C2orf78: variants seen among roughly 807,000 people sequenced by gnomAD.
C2orf78 encodes chromosome 2 open reading frame 78, also known as uncharacterized protein C2orf78.
In C2orf78, 12 loss-of-function variants were observed where a neutral mutation model predicts 21.4. The ratio of observed to expected loss-of-function variants is 0.56; its 90% CI spans 0.36 to 0.91. C2orf78 has a LOEUF of 0.91. Among genes scored for constraint, C2orf78 ranks in the 40% least tolerant of loss-of-function variants. C2orf78 has a pLI of 0.01. For synonymous variants in C2orf78, 396 were observed against 413.9 expected, an observed-to-expected ratio of 0.96 and a Z score of 0.52; for missense variants, 1,042 against 1,092.4, an observed-to-expected ratio of 0.95 and a Z score of 0.65.
At chr2:73,808,382 G>A (rs1254921979) in intron 1 of C2orf78, among the ~76,000 whole-genome samples, 3 of 151,102 alleles carry the variant, frequency 2.0e-5, no homozygotes, top group African/African-American at 7.4e-5. Context: ...TATTGTGTAT[G>A]TACTGTATAA....
chr2:73,792,394 G>A (rs1672943493), intron 1 of C2orf78, among the ~76,000 whole-genome samples: 3 of 124,762 alleles, frequency 2.4e-5, no homozygotes, highest in Non-Finnish European at 4.9e-5. Context: ...GCTGAGGCAC[G>A]AGAATGGTGT....
intron 2 of C2orf78, among the ~76,000 whole-genome samples, chr2:73,814,537 T>TGC (rs1673153915): frequency 6.6e-6 from 1 of 152,214 alleles, no homozygotes; most frequent in Admixed American, 6.5e-5. Flanking sequence ...CCTTAATCTA[T>TGC]TACTTTAGTC....
At position 73,816,264 on chromosome 2, in the gene C2orf78, G is replaced by T. The variant is rs561747214; in HGVS notation, c.2041G>T (p.Gly681Cys). The change falls in exon 3 of 3, where the codon GGT becomes TGT. Residue 681 changes from glycine (G) to cysteine (C), a missense_variant. Physicochemically the swap from Gly to Cys is radical, Grantham distance 159 (BLOSUM62 -3). Transcript: ENST00000409561. Reference sequence around the variant, plus strand: ...ACCATGGCTGGATATCCAACATGAGGGTAAAGGCCCGGAGAAAATTCAAGT... The same window carrying T: ...ACCATGGCTGGATATCCAACATGAGTGTAAAGGCCCGGAGAAAATTCAAGT... 3 of 1,613,882 alleles carry T rather than the reference G, an allele frequency of 1.9e-6. No individual in the cohort carries two copies. In the Admixed American group the frequency reaches 5.0e-5, roughly 27 times the overall value.
In C2orf78 at chr2:73,815,064, T is replaced by C; in HGVS notation, c.848-7T>C. ...AGGGACTGACTTCTTCCTTGATTCC[T>C]TTGTAGTGATGGAAACTTCCCTGGG... is the stretch of plus-strand genomic sequence containing the variant. On this transcript the variant is annotated splice_region_variant and splice_polypyrimidine_tract_variant and intron_variant, in intron 2 of 2. Coordinates refer to ENST00000409561, the Ensembl canonical transcript of C2orf78. 6.2e-7 allele frequency: 1 copy of C among 1,604,676 alleles called. No homozygotes were observed. The highest frequency in any genetic ancestry group is 8.5e-7 in the Non-Finnish European group (1 of 1,175,092).
At chr2:73,816,381 C>T (rs1673197849) in exon 3 of C2orf78, 2 of 1,613,750 alleles carry the variant, frequency 1.2e-6, no homozygotes, top group Admixed American at 1.7e-5. Context: ...CAAGTTGATA[C>T]CTTTGCCCTT....
chr2:73,809,504 G>T (rs1673027534), intron 1 of C2orf78, among the ~76,000 whole-genome samples: 3 of 151,918 alleles, frequency 2.0e-5, no homozygotes, highest in Non-Finnish European at 2.9e-5. Flanking sequence ...TTAATATTCA[G>T]TTGGGCGTGG....
exon 3 of C2orf78, chr2:73,816,462 G>A: frequency 6.2e-7 from 1 of 1,613,926 alleles, no homozygotes; most frequent in Non-Finnish European, 8.5e-7. Flanking sequence ...ACGTAGGCCT[G>A]CTGTGGCTTA....
chr2:73,810,660 A>AAT (rs1256997698), intron 1 of C2orf78, among the ~76,000 whole-genome samples: 2 of 130,648 alleles, frequency 1.5e-5, no homozygotes, highest in African/African-American at 3.2e-5. Context: ...ATATATCTAT[A>AAT]ATATATATAA....
chr2:73,815,573 T>C (rs772891703), exon 3 of C2orf78: 2 of 1,613,866 alleles, frequency 1.2e-6, no homozygotes, highest in Non-Finnish European at 1.7e-6. Context: ...GGGTGGAGGA[T>C]ACTTACCTCC....
exon 3 of C2orf78, chr2:73,815,528 T>G: frequency 6.2e-7 from 1 of 1,613,920 alleles, no homozygotes; most frequent in African/African-American, 1.3e-5. Flanking sequence ...AAAATGGGAT[T>G]GAGTCTAGCA....
In C2orf78 at chr2:73,816,696, CG is replaced by C; in HGVS notation, c.2476del (p.Glu826SerfsTer7). The C allele has an allele frequency of 6.2e-7, 1 of 1,613,968 alleles. No homozygotes were observed. Among genetic ancestry groups the C allele is most frequent in the Non-Finnish European group, 8.5e-7 (1 of 1,179,886 alleles). On this transcript the variant is annotated frameshift_variant, in exon 3 of 3. Coordinates refer to ENST00000409561, the Ensembl canonical transcript of C2orf78. LOFTEE classifies it low-confidence loss of function (END_TRUNC). ...AACATCATCTTGTTCTTCTCTGCAG[CG>C]GGAGCCTGTTTCCACTGCTGTGACC...
In C2orf78 at chr2:73,786,061, AG is replaced by A. The variant is rs367721624; in HGVS notation, c.97+1656del. Among the ~76,000 whole-genome samples the A allele has an allele frequency of 1.2e-4, 18 of 152,030 alleles. 1 individual carries two copies. Among genetic ancestry groups the A allele is most frequent in the African/African-American group, 4.1e-4 (17 of 41,442 alleles). On this transcript the variant is annotated intron_variant, in intron 1 of 2. Coordinates refer to ENST00000409561, the Ensembl canonical transcript of C2orf78. ...AACTCCGCTTCAAAAAGAAAAAAAA[AG>A]AAAGAGAGAAATATGTTTTAGAAAT...
At chr2:73,807,940 A>G (rs1368359965) in intron 1 of C2orf78, among the ~76,000 whole-genome samples, 2 of 151,022 alleles carry the variant, frequency 1.3e-5, no homozygotes, top group Non-Finnish European at 1.5e-5. Flanking sequence ...AGGGTTCTTT[A>G]ATCTCTTCCT....
chr2:73,786,174 G>T (rs1269756900), intron 1 of C2orf78, among the ~76,000 whole-genome samples: 1 of 151,998 alleles, frequency 6.6e-6, no homozygotes, highest in East Asian at 1.9e-4. Context: ...GAGGTCAGAA[G>T]TTGGAGACCA....
At chr2:73,815,957 G>T (rs1298598997) in exon 3 of C2orf78, 2 of 1,613,860 alleles carry the variant, frequency 1.2e-6, no homozygotes, top group Non-Finnish European at 8.5e-7. Context: ...GGAACAGAAA[G>T]AACAGCTCCA....
At chr2:73,811,335 A>G (rs1448778885) in intron 1 of C2orf78, among the ~76,000 whole-genome samples, 1 of 152,124 alleles carries the variant, frequency 6.6e-6, no homozygotes, top group African/African-American at 2.4e-5. Context: ...CAAGAAACTA[A>G]TAAGTGGTTA....
exon 3 of C2orf78, chr2:73,816,859 G>A (rs373266021): frequency 5.0e-5 from 81 of 1,613,870 alleles, no homozygotes; most frequent in Non-Finnish European, 6.2e-5. Context: ...AGGCCAGAGC[G>A]TGAGGCCATG....
exon 2 of C2orf78, chr2:73,813,970 G>C: frequency 6.2e-7 from 1 of 1,614,008 alleles, no homozygotes; most frequent in Non-Finnish European, 8.5e-7. Flanking sequence ...CAAATCAGCA[G>C]GGCCATAACC....
rs199843550 is a variant in C2orf78, at chr2:73,815,546, G to C, written c.1323G>C (p.Leu441Phe). The C allele has an allele frequency of 3.7e-6, 6 of 1,613,898 alleles. No homozygotes were observed. The East Asian group carries it at 1.3e-4, about 36-fold the overall frequency. Reference sequence around the variant, plus strand: ...ATGGGATTGAGTCTAGCAGTGATTTGGCAGACATCACTACATGGGTGGAGG... The same window carrying C: ...ATGGGATTGAGTCTAGCAGTGATTTCGCAGACATCACTACATGGGTGGAGG... Residue 441 changes from leucine (L) to phenylalanine (F), a missense_variant, in exon 3 of 3, where the codon TTG becomes TTC. Leu to Phe is a conservative substitution (Grantham distance 22, BLOSUM62 0). Around this residue, in one of 2 missense-constraint regions of C2orf78, gnomAD observed 1,039 missense variants for 1,069.7 expected, o/e 0.97. Transcript: ENST00000409561.
Sources: gnomAD v4.1 joint callset for allele counts (sites outside exome capture counted in the v4.1 genomes callset) on GRCh38, gnomAD v4.1.1 for gene constraint, gnomAD v4.1.1 regional missense constraint, MANE v1.5 for transcripts, NCBI Gene and HGNC (gene_info 2026-07-23, HGNC 2026-07-21) for gene names.